Variants in UBE4B observed in about 807,000 individuals in gnomAD.
UBE4B encodes ubiquitin conjugation factor E4 B.
Under a neutral mutation model 148.1 loss-of-function variants are expected in UBE4B, and 27 were observed. The ratio of observed to expected loss-of-function variants is 0.18; its 90% CI spans 0.13 to 0.25. The LOEUF is 0.25. Among genes scored for constraint, UBE4B ranks in the 10% least tolerant of loss-of-function variants. UBE4B has a pLI of 1.00. For synonymous variants in UBE4B, 596 were observed against 619.3 expected (o/e 0.96, Z 0.56); for missense variants, 1,170 against 1,662.4 (o/e 0.70, Z 5.15).
rs760996975 is a variant in UBE4B, at chr1:10,044,743, G to A, written c.24+11049G>A. Among the ~76,000 whole-genome samples the A allele has an allele frequency of 8.5e-5, 13 of 152,056 alleles. No individual in the cohort carries two copies. The East Asian group carries it at 1.4e-3, about 16-fold the overall frequency. On this transcript the variant is annotated intron_variant, in intron 1 of 27. Transcript: ENST00000343090. ...ACCATAGGCGCACGCCATCATGCCC[G>A]GCTAATTTTTTGTATTTTTGATAGA...
At chr1:10,044,783 A>G (rs1461212918) in intron 1 of UBE4B, among the ~76,000 whole-genome samples, 1 of 141,046 alleles carries the variant, frequency 7.1e-6, no homozygotes, top group Non-Finnish European at 1.5e-5. Context: ...GAGTTTTACT[A>G]TGTTGGCCAG....
chr1:10,091,891 C>A (rs1050384688), intron 2 of UBE4B, among the ~76,000 whole-genome samples: 1 of 152,012 alleles, frequency 6.6e-6, no homozygotes, highest in East Asian at 1.9e-4. Context: ...CAGGTGTGAG[C>A]CACTGCGCCC....
chr1:10,070,455 A>C (rs1053564542), intron 1 of UBE4B, among the ~76,000 whole-genome samples: 3 of 151,760 alleles, frequency 2.0e-5, no homozygotes, highest in Non-Finnish European at 4.4e-5. Flanking sequence ...AAAAAAAAAA[A>C]AAAAACCATT....
At chr1:10,075,913 G>A (rs1159567123) in intron 2 of UBE4B, among the ~76,000 whole-genome samples, 1 of 152,066 alleles carries the variant, frequency 6.6e-6, no homozygotes, top group Non-Finnish European at 1.5e-5. Context: ...GCGTGATGGT[G>A]CACACATGTA....
chr1:10,129,498 C>A (rs201712464), intron 12 of UBE4B, 50 bp downstream of exon 12: 4 of 1,561,628 alleles, frequency 2.6e-6, no homozygotes, highest in Non-Finnish European at 3.5e-6. Context: ...TATATCATAA[C>A]CCAGAAGGCA....
In UBE4B at chr1:10,135,124, C is replaced by G; in HGVS notation, c.2162C>G (p.Pro721Arg). 6.2e-7 allele frequency: 1 copy of G among 1,613,948 alleles called. No individual in the cohort carries two copies. The highest frequency in any genetic ancestry group is 8.5e-7 in the Non-Finnish European group (1 of 1,179,986). ...CACCCAAGATGTCGGATTACTCTTC[C>G]CAATGATGAGACGCGTGTGAATGCA... ...IFHPRCRITLPNDETRVNATM... is the reference protein window; with the variant it reads ...IFHPRCRITLRNDETRVNATM... The change falls in exon 16 of 28, where the codon CCC (proline) becomes CGC (arginine). Residue 721 changes from proline to arginine, a missense_variant. Transcript: ENST00000343090.
intron 25 of UBE4B, among the ~76,000 whole-genome samples, chr1:10,174,392 C>CA (rs796969203): frequency 0.047 from 5,116 of 109,886 alleles, 100 homozygotes; most frequent in Middle Eastern, 0.25. Flanking sequence ...GACTCCATAT[C>CA]AAAAAAAAAA....
At chr1:10,176,784 C>CTTTTTTT (rs946016031) in intron 25 of UBE4B, among the ~76,000 whole-genome samples, 166 of 121,746 alleles carry the variant, frequency 1.4e-3, no homozygotes, top group Non-Finnish European at 1.7e-3. Context: ...TTTTCTTTTT[C>CTTTTTTT]TTTTTTTTTT....
At chr1:10,091,120 G>T (rs918234841) in intron 2 of UBE4B, among the ~76,000 whole-genome samples, 2 of 152,176 alleles carry the variant, frequency 1.3e-5, no homozygotes, top group Non-Finnish European at 2.9e-5. Context: ...CTCACTTGTG[G>T]AAGGTTTGTT....
chr1:10,093,970 C>T (rs530171673), intron 2 of UBE4B, among the ~76,000 whole-genome samples: 2 of 152,282 alleles, frequency 1.3e-5, no homozygotes, highest in African/African-American at 4.8e-5. Flanking sequence ...GCTGAGATTA[C>T]AGGCGTGAGC....
intron 1 of UBE4B, among the ~76,000 whole-genome samples, chr1:10,055,689 G>A (rs1298518414): frequency 6.6e-6 from 1 of 152,168 alleles, no homozygotes; most frequent in Non-Finnish European, 1.5e-5. Flanking sequence ...GGAGGCCAAG[G>A]TGGGCAGATC....
At chr1:10,131,052 C>T (rs1645584697) in intron 14 of UBE4B, among the ~76,000 whole-genome samples, 1 of 152,220 alleles carries the variant, frequency 6.6e-6, no homozygotes, top group Non-Finnish European at 1.5e-5. Context: ...AGCTTAGTGG[C>T]CCGGCTCCTC....
At chr1:10,176,656 T>G (rs1646432918) in intron 25 of UBE4B, among the ~76,000 whole-genome samples, 1 of 152,188 alleles carries the variant, frequency 6.6e-6, no homozygotes, top group Admixed American at 6.5e-5. Context: ...ATTGGACACC[T>G]TTTCATGTGC....
intron 17 of UBE4B, among the ~76,000 whole-genome samples, chr1:10,141,544 G>T (rs1645782310): frequency 6.6e-6 from 1 of 152,198 alleles, no homozygotes; most frequent in African/African-American, 2.4e-5. Context: ...CACTGAGGTT[G>T]TGGTAACTTG....
At chr1:10,150,744 C>T (rs1645957967) in intron 20 of UBE4B, among the ~76,000 whole-genome samples, 1 of 151,160 alleles carries the variant, frequency 6.6e-6, no homozygotes, top group South Asian at 2.1e-4. Context: ...CCTGTAGTCC[C>T]AGCTACTCAG....
intron 1 of UBE4B, among the ~76,000 whole-genome samples, chr1:10,063,348 A>G: frequency 6.6e-6 from 1 of 152,220 alleles, no homozygotes; most frequent in East Asian, 1.9e-4. Context: ...CCTCACACTC[A>G]GTAATCTAAT....
In UBE4B at chr1:10,106,586, A is replaced by T. The variant is rs760748985; in HGVS notation, c.1196+3A>T. Reference sequence around the variant, plus strand: ...TCCTCCCTGAGGATCTCTCCTAGGTATTTATCCCACAGGAGAGTTGCATGT... The same window carrying T: ...TCCTCCCTGAGGATCTCTCCTAGGTTTTTATCCCACAGGAGAGTTGCATGT... On this transcript the variant is annotated splice_donor_region_variant and intron_variant, in intron 7 of 27. Transcript: ENST00000343090. This position sits in a 1 kb window ranked among gnomAD's most constrained non-coding sequence, Gnocchi z 4.2. 6.5e-7 allele frequency: 1 copy of T among 1,539,738 alleles called. No homozygotes were observed. Among genetic ancestry groups the T allele is most frequent in the Admixed American group, 2.0e-5 (1 of 49,050 alleles).
chr1:10,079,324 A>G (rs559095362), intron 2 of UBE4B, among the ~76,000 whole-genome samples: 2 of 151,952 alleles, frequency 1.3e-5, no homozygotes, highest in Non-Finnish European at 2.9e-5. Flanking sequence ...ACGCCCGGCT[A>G]ATTTTTTGTA....
intron 1 of UBE4B, among the ~76,000 whole-genome samples, chr1:10,035,895 C>T (rs980663030): frequency 6.6e-6 from 1 of 150,428 alleles, no homozygotes. Flanking sequence ...AGGCGCCCGC[C>T]ACCACGCCCG....
Sources: allele counts gnomAD v4.1 joint callset (sites outside exome capture counted in the v4.1 genomes callset), GRCh38; gene constraint gnomAD v4.1.1; non-coding constraint Gnocchi (gnomAD v3.1); transcripts MANE v1.5; gene names NCBI Gene and HGNC (gene_info 2026-07-23, HGNC 2026-07-21).